EED: variants seen among roughly 807,000 people sequenced by gnomAD.
The protein encoded by EED is embryonic ectoderm development, also known as polycomb protein EED.
In EED, 9 loss-of-function variants were observed where a neutral mutation model predicts 61.0. The observed-to-expected ratio is 0.15, with a 90% confidence interval of 0.09 to 0.26. The LOEUF (loss-of-function observed/expected upper bound fraction) is 0.26, where lower values mean the gene tolerates loss of function less well. EED is among the 10% of genes least tolerant of loss of function. The pLI is 1.00. For missense variants in EED, 315 were observed against 542.3 expected, an observed-to-expected ratio of 0.58 and a Z score of 4.16; for synonymous variants, 187 against 174.4, an observed-to-expected ratio of 1.07 and a Z score of -0.57.
chr11:86,281,664 G>A (rs973598148), downstream of EED, among the ~76,000 whole-genome samples: 4 of 151,902 alleles, frequency 2.6e-5, no homozygotes, highest in Admixed American at 6.6e-5. Context: ...TTCTAGAGTC[G>A]GGGTCTTGCT....
chr11:86,277,402 C>T (rs1186004170), intron 10 of EED: 6 of 278,454 alleles, frequency 2.2e-5, no homozygotes, highest in Non-Finnish European at 4.0e-5. Context: ...GTTTATGTTC[C>T]ATAACATAAA....
intron 10 of EED, chr11:86,277,637 G>T: frequency 4.3e-6 from 1 of 230,008 alleles, no homozygotes; most frequent in East Asian, 7.9e-5. Flanking sequence ...TGTATTTCTT[G>T]AAGGCAGAAG....
At chr11:86,279,599 T>A (rs1458142582), downstream of EED, among the ~76,000 whole-genome samples, 1 of 152,082 alleles carries the variant, frequency 6.6e-6, no homozygotes, top group African/African-American at 2.4e-5. Flanking sequence ...TGAAATGAGG[T>A]GAGCCAGAGA....
At chr11:86,269,385 C>CT (rs1406698089) in intron 9 of EED, among the ~76,000 whole-genome samples, 1 of 151,978 alleles carries the variant, frequency 6.6e-6, no homozygotes, top group Admixed American at 6.6e-5. Flanking sequence ...TTTAGAGAAG[C>CT]TATTGGTGAT....
rs200301681 is a variant in EED, at chr11:86,245,361, C to T, written c.114+18C>T. The T allele has an allele frequency of 3.2e-4, 505 of 1,588,642 alleles. 3 individuals are homozygous for T. The East Asian group carries it at 0.011, about 34-fold the overall frequency. ...ACGAGAATGTAAGTGCAGCTTCTGG[C>T]AGTTACGAGACTGCGGAGTGAAAGT... On this transcript the variant is annotated intron_variant, in intron 1 of 11. Transcript: ENST00000263360.
chr11:86,283,959 G>A, the EED span: 4 of 152,150 alleles, frequency 2.6e-5, no homozygotes, highest in African/African-American at 9.7e-5. Flanking sequence ...GATAGAGCTA[G>A]GAGAAATAGC....
At chr11:86,282,175 A>C (rs1946331988), downstream of EED, among the ~76,000 whole-genome samples, 1 of 152,246 alleles carries the variant, frequency 6.6e-6, no homozygotes, top group Non-Finnish European at 1.5e-5. Flanking sequence ...ACTTTAAACA[A>C]AATATCAATA....
chr11:86,278,233 CT>C, intron 11 of EED, 165 bp from the exon 12 acceptor site: 1 of 1,337,570 alleles, frequency 7.5e-7, no homozygotes, highest in Non-Finnish European at 9.6e-7. Context: ...TAAAATATAT[CT>C]AAATTTTATA....
intron 1 of EED, among the ~76,000 whole-genome samples, chr11:86,246,951 C>A (rs78239858): frequency 6.6e-6 from 1 of 151,976 alleles, no homozygotes; most frequent in African/African-American, 2.4e-5. Flanking sequence ...GAGTGTCTGC[C>A]CCATAGTAAG....
chr11:86,277,268 G>A, intron 10 of EED, 130 bp downstream of exon 10: 1 of 822,174 alleles, frequency 1.2e-6, no homozygotes, highest in East Asian at 2.8e-5. Flanking sequence ...TGATTACTTT[G>A]CCCTTTGATG....
intron 2 of EED, among the ~76,000 whole-genome samples, chr11:86,251,173 G>A (rs2138137830): frequency 6.6e-6 from 1 of 152,182 alleles, no homozygotes; most frequent in East Asian, 1.9e-4. Flanking sequence ...TATAAGTAAA[G>A]TTTTGGGAAA....
chr11:86,282,106 C>G (rs550451572), downstream of EED, among the ~76,000 whole-genome samples: 10 of 152,258 alleles, frequency 6.6e-5, no homozygotes, highest in Admixed American at 2.0e-4. Flanking sequence ...CAGATTGTTT[C>G]GAAGCACATC....
chr11:86,277,154 T>C lies in EED; in HGVS notation c.1125+16T>C, dbSNP rs915195609. 6.4e-7 allele frequency: 1 copy of C among 1,553,906 alleles called. No individual in the cohort carries two copies. Among genetic ancestry groups the C allele is most frequent in the Admixed American group, 1.8e-5 (1 of 57,128 alleles). On this transcript the variant is annotated intron_variant, in intron 10 of 11. Transcript: ENST00000263360. ...CTGGCAAAAGGTATCAACATACTTT[T>C]ACATTTTGAAATGATCTGACTTATG... is the stretch of plus-strand genomic sequence containing the variant.
intron 7 of EED, chr11:86,265,439 GC>G (rs1945950125): frequency 6.6e-6 from 1 of 152,060 alleles, no homozygotes; most frequent in African/African-American, 2.4e-5. Context: ...TGTGCCTTTT[GC>G]TAAATTAAAT....
intron 6 of EED, among the ~76,000 whole-genome samples, chr11:86,260,402 A>C (rs1364676875): frequency 1.4e-5 from 1 of 73,766 alleles, no homozygotes; most frequent in Non-Finnish European, 3.7e-5. Flanking sequence ...AATTTTTAAA[A>C]ATTTTTTGTA....
At chr11:86,279,777 T>TAA (rs1466522716), downstream of EED, among the ~76,000 whole-genome samples, 1 of 152,232 alleles carries the variant, frequency 6.6e-6, no homozygotes, top group Non-Finnish European at 1.5e-5. Flanking sequence ...AATAGTATAA[T>TAA]GCTTAAGTCT....
rs1945553293 is a variant in EED at position 86,252,353 on chromosome 11, T to A, written c.360+113T>A. ...ATTTTGTGAAGCTGGTTTAGCAATA[T>A]GATTCTTTCATGTAAGAGTGAAGGT... On this transcript the variant is annotated intron_variant, in intron 3 of 11. Coordinates refer to ENST00000263360, the MANE Select transcript of EED (RefSeq NM_003797.5). 3 of 705,128 alleles carry A rather than the reference T, an allele frequency of 4.3e-6. No homozygotes were observed. The East Asian group carries it at 8.2e-5, about 19-fold the overall frequency. 43.7% of individuals were successfully genotyped at this position (705,128 alleles called of 1,614,324 possible).
intron 1 of EED, among the ~76,000 whole-genome samples, chr11:86,248,401 AG>A (rs1945443069): frequency 1.3e-5 from 2 of 152,354 alleles, no homozygotes; most frequent in East Asian, 1.9e-4. Context: ...GTGTTTAGCC[AG>A]AATGTAAAGA....
chr11:86,257,832 C>T (rs1176464584), intron 6 of EED, among the ~76,000 whole-genome samples: 14 of 152,192 alleles, frequency 9.2e-5, no homozygotes, highest in Admixed American at 9.2e-4. Flanking sequence ...ACTGGCATCA[C>T]CCTTGTTACT....
Sources: gnomAD v4.1 joint callset for allele counts (sites outside exome capture counted in the v4.1 genomes callset) on GRCh38, gnomAD v4.1.1 for gene constraint, MANE v1.5 for transcripts, NCBI Gene and HGNC (gene_info 2026-07-23, HGNC 2026-07-21) for gene names.